The following SULT1C4 variants were observed in gnomAD, a reference collection of about 807,000 sequenced individuals.
The protein encoded by SULT1C4 is sulfotransferase 1C4.
A neutral mutation model predicts 34.8 loss-of-function variants in SULT1C4; 32 were observed. The observed-to-expected ratio is 0.92, with a 90% CI of 0.69 to 1.23. SULT1C4 has a LOEUF of 1.23. Ranked by LOEUF, SULT1C4 falls within the 50% of genes most tolerant of loss-of-function variation. SULT1C4 has a pLI of 0.00. For missense variants in SULT1C4, 375 were observed against 365.9 expected, an observed-to-expected ratio of 1.02 and a Z score of -0.20; for synonymous variants, 111 against 120.5, an observed-to-expected ratio of 0.92 and a Z score of 0.51.
At chr2:108,383,285 T>A in intron 4 of SULT1C4, 66 bp downstream of exon 4, 3 of 1,591,762 alleles carry the variant, frequency 1.9e-6, no homozygotes, top group African/African-American at 1.4e-5. Flanking sequence ...AAGGAAAGAA[T>A]CTTTTCTTTT....
rs751268025 is a variant in SULT1C4, at chr2:108,383,084, C to G, written c.394-9C>G. On this transcript the variant is annotated splice_polypyrimidine_tract_variant and intron_variant, in intron 3 of 6. Coordinates refer to ENST00000272452, the MANE Select transcript of SULT1C4 (RefSeq NM_006588.4). ...GCTTCTTCCCTTCCCCTCCCCTCAT[C>G]ATTCCCAGATAATCTATGTAGCAAG... 3.9e-6 allele frequency: 6 copies of G among 1,550,508 alleles called. No individual in the cohort carries two copies. In the Admixed American group the frequency reaches 1.0e-4, roughly 27 times the overall value.
rs752203823 is a variant in SULT1C4, at chr2:108,386,259, A to G, written c.683A>G (p.Asp228Gly). 1.1e-5 allele frequency: 17 copies of G among 1,575,780 alleles called. No individual in the cohort carries two copies. Among genetic ancestry groups the G allele is most frequent in the Non-Finnish European group, 1.5e-5 (17 of 1,160,776 alleles). ...AAGAAATTAGATGACAAAGTTCTAG[A>G]TAAAATTGTCCATTACACTTCGTTT... is the stretch of plus-strand genomic sequence containing the variant. ...IGKKLDDKVL[D>G]KIVHYTSFDV... Residue 228 changes from aspartate to glycine, a missense_variant, in exon 6 of 7, where the codon GAT becomes GGT. Asp to Gly is a moderately conservative substitution (Grantham distance 94). Transcript: ENST00000272452.
chr2:108,386,440 T>C lies in SULT1C4; in HGVS notation c.796+68T>C, dbSNP rs1292019576. The stretch of plus-strand genomic sequence containing the variant: ...AAATATTTTAAAGCATTTGAGGAGT[T>C]TTCTTTCCTGTGTCTAGGAAAAATA... On this transcript the variant is annotated intron_variant, in intron 6 of 6. Coordinates refer to ENST00000272452, the MANE Select transcript of SULT1C4 (RefSeq NM_006588.4). 6 of 1,209,812 alleles carry C rather than the reference T, an allele frequency of 5.0e-6. No homozygotes were observed. In the African/African-American group the frequency reaches 9.4e-5, roughly 19 times the overall value. 74.9% of individuals were successfully genotyped at this position (1,209,812 alleles called of 1,614,324 possible).
At chr2:108,382,619 C>T (rs1004400802) in intron 3 of SULT1C4, 137 bp downstream of exon 3, 30 of 723,328 alleles carry the variant, frequency 4.1e-5, no homozygotes, top group Non-Finnish European at 6.2e-5. Context: ...TAATATGAAT[C>T]CTAGCCAGGC....
At position 108,378,129 on chromosome 2, in the gene SULT1C4, G is replaced by A. The variant is rs57687168; in HGVS notation, c.-209G>A. 5.3e-4 allele frequency: 214 copies of A among 404,192 alleles called. 6 individuals are homozygous for A. The highest frequency in any genetic ancestry group is 4.4e-3 in the African/African-American group (182 of 40,994). The allele number at this position is 404,192 out of a possible 1,614,324, so 25.0% of individuals were successfully genotyped here. A position where few individuals can be genotyped will look rare whatever the true frequency, so the allele number is the denominator to read the frequency against. On this transcript the variant is annotated 5_prime_UTR_variant, in exon 1 of 7. Coordinates refer to ENST00000272452, the MANE Select transcript of SULT1C4 (RefSeq NM_006588.4). ...CCTCAGGAAACTGCCAGTGGACAAAGTCATAAACAAGAGTTCCAGTTCCCT... is the reference window on the plus strand; with the variant it reads ...CCTCAGGAAACTGCCAGTGGACAAAATCATAAACAAGAGTTCCAGTTCCCT...
intron 3 of SULT1C4, chr2:108,382,704 G>A: frequency 2.1e-6 from 1 of 475,206 alleles, no homozygotes; most frequent in Non-Finnish European, 3.7e-6. Flanking sequence ...AGGGGTTCAA[G>A]ACCAGCCTGA....
Sources: allele counts gnomAD v4.1 joint callset, GRCh38; gene constraint gnomAD v4.1.1; transcripts MANE v1.5; gene names NCBI Gene and HGNC (gene_info 2026-07-23, HGNC 2026-07-21).